ADAM19: variants seen among roughly 807,000 people sequenced by gnomAD.
The protein encoded by ADAM19 is disintegrin and metalloproteinase domain-containing protein 19.
In ADAM19, 65 loss-of-function variants were observed where a neutral mutation model predicts 114.7. The ratio of observed to expected loss-of-function variants is 0.57; its 90% CI spans 0.46 to 0.70. ADAM19 has a LOEUF of 0.70. ADAM19 is among the 30% of genes least tolerant of loss of function. The pLI is 0.00. For synonymous variants in ADAM19, 466 were observed against 460.5 expected, an observed-to-expected ratio of 1.01 and a Z score of -0.15; for missense variants, 1,063 against 1,204.7, an observed-to-expected ratio of 0.88 and a Z score of 1.74.
chr5:157,534,796 G>C (rs561639604), intron 4 of ADAM19, among the ~76,000 whole-genome samples: 2 of 152,206 alleles, frequency 1.3e-5, no homozygotes, highest in Non-Finnish European at 2.9e-5. Context: ...TTGAAAGAGA[G>C]GTTTTAAGTC....
intron 4 of ADAM19, among the ~76,000 whole-genome samples, chr5:157,531,252 C>A (rs997711887): frequency 3.9e-5 from 6 of 152,196 alleles, no homozygotes; most frequent in African/African-American, 1.4e-4. Flanking sequence ...CTTGCCTCCC[C>A]ACCAATGTTA....
rs998328860 is a variant in ADAM19 at position 157,547,923 on chromosome 5, A to AAC, written c.252-9933_252-9932insGT. On this transcript the variant is annotated intron_variant, in intron 3 of 22. Transcript: ENST00000257527. ...CCCATTGCCCTAGAGATAAAAGCCCAAACTCTTTAAGGTGCCTACAAGGCC... is the reference window on the plus strand; with the variant it reads ...CCCATTGCCCTAGAGATAAAAGCCCAACAACTCTTTAAGGTGCCTACAAGGCC... Among the ~76,000 whole-genome samples the AAC allele has an allele frequency of 7.9e-5, 12 of 152,352 alleles. 1 individual carries two copies. Among genetic ancestry groups the AAC allele is most frequent in the Admixed American group, 6.5e-4 (10 of 15,310 alleles).
intron 14 of ADAM19, among the ~76,000 whole-genome samples, chr5:157,495,288 A>G (rs567220131): frequency 6.6e-6 from 1 of 152,236 alleles, no homozygotes; most frequent in Non-Finnish European, 1.5e-5. Context: ...GGCGTGAGCC[A>G]CCACACCTGG....
At chr5:157,530,666 A>C in intron 5 of ADAM19, 141 bp downstream of exon 5, 1 of 649,024 alleles carries the variant, frequency 1.5e-6, no homozygotes, top group Non-Finnish European at 2.7e-6. Context: ...CCATCCTCCC[A>C]GGCTCAGCCC....
chr5:157,570,700 T>G, intron 2 of ADAM19, 195 bp downstream of exon 2: 1 of 524,532 alleles, frequency 1.9e-6, no homozygotes, highest in Non-Finnish European at 3.4e-6. Flanking sequence ...ACTAATAGCA[T>G]TGGGAAGTGT....
chr5:157,499,625 G>T lies in ADAM19; in HGVS notation c.1346C>A (p.Thr449Asn). ...AGCACACTCCGCCCCCGGCCTCAGG[G>T]TACAATTAGAGGCATTGCAGCAGGG... ...NNPCCNASNC[T>N]LRPGAECAHG... The change falls in exon 13 of 23, where the codon ACC becomes AAC. Residue 449 changes from threonine to asparagine, a missense_variant. Thr to Asn is a moderately conservative substitution (Grantham distance 65, BLOSUM62 0). Transcript: ENST00000257527. 2 of 1,613,168 alleles carry T rather than the reference G, an allele frequency of 1.2e-6. No homozygotes were observed. Among genetic ancestry groups the T allele is most frequent in the Non-Finnish European group, 1.7e-6 (2 of 1,179,756 alleles).
intron 7 of ADAM19, among the ~76,000 whole-genome samples, chr5:157,518,210 A>C (rs887964124): frequency 1.3e-5 from 2 of 151,818 alleles, no homozygotes; most frequent in Non-Finnish European, 2.9e-5. Context: ...CAGAATCTAA[A>C]GGTCTTCAGA....
chr5:157,510,241 A>G (rs1755874461), intron 8 of ADAM19, among the ~76,000 whole-genome samples: 1 of 152,124 alleles, frequency 6.6e-6, no homozygotes, highest in Admixed American at 6.5e-5. Context: ...CTGGGAGGCT[A>G]AGGTGGATGG....
intron 3 of ADAM19, among the ~76,000 whole-genome samples, chr5:157,547,647 C>T (rs557260076): frequency 2.6e-5 from 4 of 152,262 alleles, no homozygotes; most frequent in African/African-American, 9.6e-5. Flanking sequence ...TCTGTTTTGC[C>T]AATGCAAAAT....
At chr5:157,541,786 C>T (rs1756925916) in intron 3 of ADAM19, among the ~76,000 whole-genome samples, 1 of 152,206 alleles carries the variant, frequency 6.6e-6, no homozygotes, top group Non-Finnish European at 1.5e-5. Flanking sequence ...CCTCTCTAGG[C>T]TAAACCACCC....
Position 157,537,147 on chromosome 5 carries a change from T to C in ADAM19, c.330+766A>G, listed in dbSNP as rs991268317. On this transcript the variant is annotated intron_variant, in intron 4 of 22. Transcript: ENST00000257527. The stretch of plus-strand genomic sequence containing the variant: ...GGCAATAAAAATTGCCTGCAAACAT[T>C]GCCAGGTGTCCCTCGGGGTCGGGGC... Among the ~76,000 whole-genome samples the C allele has an allele frequency of 2.0e-5, 3 of 152,194 alleles. No homozygotes were observed. The East Asian group carries it at 5.8e-4, about 29-fold the overall frequency.
chr5:157,559,085 A>G (rs770270473), intron 3 of ADAM19, among the ~76,000 whole-genome samples: 1 of 152,256 alleles, frequency 6.6e-6, no homozygotes, highest in Non-Finnish European at 1.5e-5. Flanking sequence ...AGGTATTAAA[A>G]TCAGTAAACC....
rs535769567 is a variant in ADAM19 at position 157,507,300 on chromosome 5, T to G, written c.906-160A>C. Among the ~76,000 whole-genome samples the G allele has an allele frequency of 4.6e-5, 7 of 152,292 alleles. No individual in the cohort carries two copies. The East Asian group carries it at 1.4e-3, about 29-fold the overall frequency. ...CTTGTAACCAGGCCAACTGGACAAC[T>G]TCCAGCTCACCACACCTCTCACTTC... On this transcript the variant is annotated intron_variant, in intron 9 of 22. Transcript: ENST00000257527.
chr5:157,494,267 G>A (rs1755275848), intron 15 of ADAM19, among the ~76,000 whole-genome samples: 1 of 151,154 alleles, frequency 6.6e-6, no homozygotes, highest in Non-Finnish European at 1.5e-5. Flanking sequence ...ATGGATAGAT[G>A]GATGGATGGA....
intron 11 of ADAM19, among the ~76,000 whole-genome samples, chr5:157,504,149 T>C (rs1232102261): frequency 6.6e-6 from 1 of 152,238 alleles, no homozygotes; most frequent in Non-Finnish European, 1.5e-5. Flanking sequence ...TGTCTTCAGA[T>C]ACGCTTTTTA....
chr5:157,554,716 C>G (rs1236335848), intron 3 of ADAM19, among the ~76,000 whole-genome samples: 1 of 152,200 alleles, frequency 6.6e-6, no homozygotes, highest in Non-Finnish European at 1.5e-5. Context: ...ATAACAGTGT[C>G]TATTTATTGT....
intron 5 of ADAM19, among the ~76,000 whole-genome samples, chr5:157,526,935 A>G (rs946138764): frequency 2.0e-5 from 3 of 151,942 alleles, no homozygotes; most frequent in African/African-American, 7.3e-5. Context: ...GGTGTCATTT[A>G]TAAGTACCCA....
chr5:157,557,847 A>C (rs1757408273), intron 3 of ADAM19, among the ~76,000 whole-genome samples: 1 of 152,166 alleles, frequency 6.6e-6, no homozygotes, highest in Non-Finnish European at 1.5e-5. Flanking sequence ...CCCACCTCCT[A>C]ATACCATCAC....
chr5:157,503,141 C>T, intron 11 of ADAM19, among the ~76,000 whole-genome samples, 161 bp from the exon 12 acceptor site: 1 of 152,190 alleles, frequency 6.6e-6, no homozygotes, highest in East Asian at 1.9e-4. Context: ...AGAACATTTA[C>T]CAATACATTA....
Sources: allele counts gnomAD v4.1 joint callset (sites outside exome capture counted in the v4.1 genomes callset), GRCh38; gene constraint gnomAD v4.1.1; transcripts MANE v1.5; gene names NCBI Gene and HGNC (gene_info 2026-07-23, HGNC 2026-07-21).